The following PTK2 variants were observed in gnomAD, a reference collection of about 807,000 sequenced individuals.
PTK2 encodes protein tyrosine kinase 2.
Under a neutral mutation model 150.1 loss-of-function variants are expected in PTK2, and 45 were observed. The observed-to-expected ratio is 0.30, with a 90% CI of 0.24 to 0.38. The LOEUF is 0.38. PTK2 is among the 10% of genes least tolerant of loss of function. The pLI, the probability that PTK2 is intolerant of heterozygous loss-of-function variation, is 1.00. For missense variants in PTK2, 919 were observed against 1,307.3 expected (o/e 0.70, Z 4.58); for synonymous variants, 432 against 449.2 (o/e 0.96, Z 0.48).
intron 14 of PTK2, among the ~76,000 whole-genome samples, chr8:140,776,352 G>A (rs1047443054): frequency 6.6e-6 from 1 of 152,206 alleles, no homozygotes; most frequent in Non-Finnish European, 1.5e-5. Context: ...TTTAAGAACT[G>A]TCTGTTCTTT....
chr8:140,665,362 A>G (rs2152832953), intron 30 of PTK2, among the ~76,000 whole-genome samples: 1 of 152,244 alleles, frequency 6.6e-6, no homozygotes, highest in Non-Finnish European at 1.5e-5. Context: ...GTTAGGATAA[A>G]TAGTAGCACC....
intron 2 of PTK2, among the ~76,000 whole-genome samples, chr8:140,922,654 C>T (rs1327431502): frequency 1.3e-5 from 2 of 152,198 alleles, no homozygotes; most frequent in Non-Finnish European, 2.9e-5. Flanking sequence ...AAGCTACCTT[C>T]ATTAGTAACC....
Position 140,700,257 on chromosome 8 carries a change from G to A in PTK2, c.2499+634C>T, listed in dbSNP as rs551158916. Among the ~76,000 whole-genome samples the A allele has an allele frequency of 6.6e-5, 10 of 152,202 alleles. No individual in the cohort carries two copies. In the South Asian group the frequency reaches 1.9e-3, roughly 28 times the overall value. On this transcript the variant is annotated intron_variant, in intron 26 of 31. Transcript: ENST00000522684. ...GGCAGTGGCACAATCATAGCTTACC[G>A]TAATCTAGAACTCCTGGACTCAGTC...
chr8:141,000,941 T>A (rs1484154061), intron 1 of PTK2, 184 bp downstream of exon 1: 1 of 148,040 alleles, frequency 6.8e-6, no homozygotes, highest in Non-Finnish European at 1.5e-5. Flanking sequence ...CGGCCTCCCC[T>A]CCTCCCAGAA....
chr8:140,694,935 G>A (rs960098179), intron 26 of PTK2, among the ~76,000 whole-genome samples: 4 of 152,252 alleles, frequency 2.6e-5, no homozygotes, highest in Admixed American at 1.3e-4. Context: ...GGTCAGGGTG[G>A]CCCTCACACT....
intron 30 of PTK2, among the ~76,000 whole-genome samples, chr8:140,667,150 T>C (rs577164188): frequency 6.6e-6 from 1 of 152,142 alleles, no homozygotes; most frequent in African/African-American, 2.4e-5. Flanking sequence ...AATGCACAGT[T>C]TCAGTTTTGC....
rs150294867 is a variant in PTK2 at position 140,794,051 on chromosome 8, G to A, written c.1094-667C>T. ...CTTTCTTTCCCTCAGCCTTCATTTCGCAAACCAGGAAACATGGAGCCCTCC... is the reference window on the plus strand; with the variant it reads ...CTTTCTTTCCCTCAGCCTTCATTTCACAAACCAGGAAACATGGAGCCCTCC... On this transcript the variant is annotated intron_variant, in intron 12 of 31. Coordinates refer to ENST00000522684, the Ensembl canonical transcript of PTK2. Among the ~76,000 whole-genome samples the A allele has an allele frequency of 1.3e-3, 203 of 152,120 alleles. 3 individuals carry two copies. Among genetic ancestry groups the A allele is most frequent in the African/African-American group, 4.5e-3 (186 of 41,500 alleles).
exon 32 of PTK2, chr8:140,659,009 G>GA (rs1563708432): frequency 4.4e-6 from 1 of 227,726 alleles, no homozygotes; most frequent in Non-Finnish European, 8.7e-6. Context: ...TTCCAGTCTG[G>GA]ATAATAATTC....
At chr8:140,681,692 G>A (rs1385274488) in intron 27 of PTK2, among the ~76,000 whole-genome samples, 2 of 151,888 alleles carry the variant, frequency 1.3e-5, no homozygotes, top group African/African-American at 2.4e-5. Context: ...CAGGAGAATG[G>A]TGTGAACCCG....
chr8:140,894,498 T>C (rs1352019571), intron 2 of PTK2, among the ~76,000 whole-genome samples: 2 of 152,146 alleles, frequency 1.3e-5, no homozygotes, highest in South Asian at 2.1e-4. Flanking sequence ...GGGAGACTAA[T>C]AGAGTAAACT....
exon 12 of PTK2, chr8:140,800,491 G>T (rs1468146310): frequency 6.2e-7 from 1 of 1,613,568 alleles, no homozygotes; most frequent in African/African-American, 1.3e-5. Flanking sequence ...TGACTGCGAG[G>T]TTCCATTCAC....
At chr8:140,746,217 A>G (rs2100058642) in intron 18 of PTK2, among the ~76,000 whole-genome samples, 1 of 152,192 alleles carries the variant, frequency 6.6e-6, no homozygotes, top group East Asian at 1.9e-4. Context: ...CTGTAGTCCC[A>G]GCAACTCGGG....
chr8:140,715,153 C>T (rs2100038910), intron 23 of PTK2, among the ~76,000 whole-genome samples: 1 of 116,388 alleles, frequency 8.6e-6, no homozygotes, highest in Admixed American at 1.1e-4. Context: ...GCCATTAAAA[C>T]CGTTTTTTTT....
At chr8:140,773,501 G>C (rs1049116312) in intron 14 of PTK2, among the ~76,000 whole-genome samples, 3 of 152,206 alleles carry the variant, frequency 2.0e-5, no homozygotes, top group African/African-American at 4.8e-5. Context: ...CATCTGCAAA[G>C]ACTTCCAGGA....
At position 140,993,929 on chromosome 8, in the gene PTK2, C is replaced by G. The variant is rs571265100; in HGVS notation, c.-122+7196G>C. 1.1e-4 allele frequency among the ~76,000 whole-genome samples: 17 copies of G among 152,214 alleles called. 1 individual carries two copies. The South Asian group carries it at 3.3e-3, about 30-fold the overall frequency. On this transcript the variant is annotated intron_variant, in intron 1 of 31. Transcript: ENST00000522684. ...ATCTCTTGTAGAGACCAAGTTTTGC[C>G]ATGTTGCCCAGGCTGGTCACAAACT...
chr8:140,892,277 A>G (rs887534423), intron 2 of PTK2, among the ~76,000 whole-genome samples: 3 of 152,134 alleles, frequency 2.0e-5, no homozygotes, highest in African/African-American at 7.2e-5. Context: ...GCTCATGCCT[A>G]TAATCCCAAC....
chr8:140,755,617 T>TG (rs1727899006), intron 16 of PTK2, among the ~76,000 whole-genome samples: 1 of 152,220 alleles, frequency 6.6e-6, no homozygotes, highest in Non-Finnish European at 1.5e-5. Context: ...AACAGCATCT[T>TG]GACCTCCCAT....
intron 10 of PTK2, among the ~76,000 whole-genome samples, chr8:140,814,297 C>T (rs1386552101): frequency 6.6e-6 from 1 of 152,232 alleles, no homozygotes; most frequent in Non-Finnish European, 1.5e-5. Flanking sequence ...CTCTCTAACT[C>T]ATTCTATGAA....
chr8:140,783,263 A>C (rs1461375219), intron 14 of PTK2, among the ~76,000 whole-genome samples: 1 of 152,142 alleles, frequency 6.6e-6, no homozygotes, highest in East Asian at 1.9e-4. Context: ...GAAATGAGTC[A>C]ATATGGTCTA....
Sources: allele counts gnomAD v4.1 joint callset (sites outside exome capture counted in the v4.1 genomes callset), GRCh38; gene constraint gnomAD v4.1.1; transcripts MANE v1.5; gene names NCBI Gene and HGNC (gene_info 2026-07-23, HGNC 2026-07-21).